Variants in TBC1D19 observed in about 807,000 individuals in gnomAD.
TBC1D19 encodes TBC1 domain family, member 19.
In TBC1D19, 60 loss-of-function variants were observed where a neutral mutation model predicts 89.0. The observed-to-expected ratio is 0.67, with a 90% CI of 0.55 to 0.84. The LOEUF (loss-of-function observed/expected upper bound fraction) is 0.84. Ranked by LOEUF, TBC1D19 falls within the 40% of genes least tolerant of loss-of-function variation. The pLI is 0.00. For missense variants in TBC1D19, 500 were observed against 610.8 expected (o/e 0.82, Z 1.91); for synonymous variants, 189 against 199.7 (o/e 0.95, Z 0.45).
intron 14 of TBC1D19, among the ~76,000 whole-genome samples, chr4:26,718,394 T>G (rs1397810341): frequency 6.6e-6 from 1 of 152,086 alleles, no homozygotes; most frequent in African/African-American, 2.4e-5. Flanking sequence ...ACACAAAACT[T>G]TGATACAATT....
rs1365302383 is a variant in TBC1D19 at position 26,650,782 on chromosome 4, C to T, written c.481-8815C>T. 3.9e-5 allele frequency among the ~76,000 whole-genome samples: 6 copies of T among 152,162 alleles called. No homozygotes were observed. In the South Asian group the frequency reaches 1.2e-3, roughly 31 times the overall value. On this transcript the variant is annotated intron_variant, in intron 7 of 20. Coordinates refer to ENST00000264866, the MANE Select transcript of TBC1D19 (RefSeq NM_018317.4). ...CTTTTGGCGTTTTAGACATGAAGTC[C>T]TTGCCCATGCCTATGTCCTGAATGG...
intron 11 of TBC1D19, among the ~76,000 whole-genome samples, chr4:26,680,354 T>C (rs1235741439): frequency 1.3e-5 from 2 of 152,242 alleles, no homozygotes; most frequent in African/African-American, 4.8e-5. Flanking sequence ...ATGTTCCATC[T>C]ACTTTTAAAA....
chr4:26,853,825 G>A, the TBC1D19 span, among the ~76,000 whole-genome samples: 3 of 152,322 alleles, frequency 2.0e-5, no homozygotes, highest in South Asian at 2.1e-4. Flanking sequence ...GTGAGCCACC[G>A]CGCCTGGCCA....
At chr4:26,820,002 T>C in the TBC1D19 span, among the ~76,000 whole-genome samples, 2 of 152,208 alleles carry the variant, frequency 1.3e-5, no homozygotes, top group African/African-American at 4.8e-5. Flanking sequence ...ATTCCTACTC[T>C]AAAATTGCAA....
the TBC1D19 span, among the ~76,000 whole-genome samples, chr4:26,844,051 A>G: frequency 1.1e-4 from 17 of 152,232 alleles, no homozygotes; most frequent in Non-Finnish European, 1.5e-4. Flanking sequence ...ATATTTTAAC[A>G]TGGGATTTGG....
intron 9 of TBC1D19, among the ~76,000 whole-genome samples, chr4:26,669,498 A>G (rs1389008389): frequency 1.3e-5 from 2 of 151,860 alleles, no homozygotes; most frequent in African/African-American, 4.8e-5. Flanking sequence ...TGAAAAACAC[A>G]GAATTAGAGT....
chr4:26,716,410 C>T (rs1716611469), intron 13 of TBC1D19, among the ~76,000 whole-genome samples: 1 of 152,024 alleles, frequency 6.6e-6, no homozygotes, highest in South Asian at 2.1e-4. Flanking sequence ...GGAGAGGCAT[C>T]GTTCAATTAA....
At chr4:26,695,708 A>T (rs1445067952) in intron 13 of TBC1D19, among the ~76,000 whole-genome samples, 1 of 152,234 alleles carries the variant, frequency 6.6e-6, no homozygotes, top group East Asian at 1.9e-4. Context: ...AATATTCAAC[A>T]TTCTTAAAGA....
intron 12 of TBC1D19, among the ~76,000 whole-genome samples, chr4:26,685,771 A>G (rs1713758705): frequency 6.6e-6 from 1 of 152,202 alleles, no homozygotes; most frequent in African/African-American, 2.4e-5. Context: ...TATTATGCTC[A>G]GTGGATTATT....
rs33925773 is a variant in TBC1D19, at chr4:26,720,197, TTC to T, written c.1084+74_1084+75del. The T allele has an allele frequency of 5.5e-3, 6,488 of 1,180,418 alleles. 276 individuals carry two copies. The African/African-American group carries it at 0.089, about 16-fold the overall frequency. The allele number at this position is 1,180,418 out of a possible 1,614,324, so 73.1% of individuals were successfully genotyped here. ...CAACTTTTATAATCAAAATGTGACT[TTC>T]TTATTCTCTTTAATGGATAATCATT... On this transcript the variant is annotated intron_variant, in intron 15 of 20. Transcript: ENST00000264866.
chr4:26,809,577 G>A, the TBC1D19 span, among the ~76,000 whole-genome samples: 1 of 152,168 alleles, frequency 6.6e-6, no homozygotes. Context: ...GACTACTTAG[G>A]GTAGTAGGGA....
chr4:26,805,660 A>T, the TBC1D19 span, among the ~76,000 whole-genome samples: 4 of 151,982 alleles, frequency 2.6e-5, no homozygotes, highest in Non-Finnish European at 5.9e-5. Flanking sequence ...ACCCTTACCT[A>T]CAGTTGTCCA....
chr4:26,621,823 A>C (rs1484427415), intron 4 of TBC1D19, among the ~76,000 whole-genome samples: 1 of 151,766 alleles, frequency 6.6e-6, no homozygotes, highest in Non-Finnish European at 1.5e-5. Context: ...TTTTTTTGTT[A>C]TAAAGATTTG....
chr4:26,782,508 A>G, the TBC1D19 span, among the ~76,000 whole-genome samples: 2,016 of 152,304 alleles, frequency 0.013, 50 homozygotes, highest in African/African-American at 0.046. Context: ...TCAGCAGCCA[A>G]ACGTCAAAAC....
At chr4:26,723,608 A>G (rs555940857) in intron 15 of TBC1D19, among the ~76,000 whole-genome samples, 1 of 152,336 alleles carries the variant, frequency 6.6e-6, no homozygotes. Context: ...AGAATCACCA[A>G]TGGACAGATT....
At position 26,673,446 on chromosome 4, in the gene TBC1D19, T is replaced by TGTATACACACAC; in HGVS notation, c.704-330_704-329insGTATACACACAC. On this transcript the variant is annotated intron_variant, in intron 10 of 20. Transcript: ENST00000264866. Reference sequence around the variant, plus strand: ...TTTCATATATATATATATATATATATACACACACACACACACACACACACA... The same window carrying TGTATACACACAC: ...TTTCATATATATATATATATATATATGTATACACACACACACACACACACACACACACACACA... Among the ~76,000 whole-genome samples, 4 of 90,872 alleles carry TGTATACACACAC rather than the reference T, an allele frequency of 4.4e-5. No individual in the cohort carries two copies. The South Asian group carries it at 1.8e-3, about 41-fold the overall frequency. 59.6% of individuals were successfully genotyped at this position (90,872 alleles called of 152,430 possible). A position where few individuals can be genotyped will look rare whatever the true frequency, so the allele number is the denominator to read the frequency against.
chr4:26,635,909 G>A (rs1743091063), intron 4 of TBC1D19, among the ~76,000 whole-genome samples: 1 of 152,060 alleles, frequency 6.6e-6, no homozygotes, highest in Admixed American at 6.6e-5. Context: ...AGCTTGGAGA[G>A]CAAATTTCAG....
At chr4:26,853,349 C>T in the TBC1D19 span, among the ~76,000 whole-genome samples, 1 of 152,300 alleles carries the variant, frequency 6.6e-6, no homozygotes, top group South Asian at 2.1e-4. Context: ...CAGCTCCCCA[C>T]CCACTTAGCA....
chr4:26,753,914 G>A lies in TBC1D19; in HGVS notation c.1506+24G>A, dbSNP rs184958336. ...AAGTAAGGATAAGTTTCACTCAGAT[G>A]GGATGGAAATAGTTTCTGAGAGATT... On this transcript the variant is annotated intron_variant, in intron 20 of 20. Coordinates refer to ENST00000264866, the MANE Select transcript of TBC1D19 (RefSeq NM_018317.4). 5 of 1,612,436 alleles carry A rather than the reference G, an allele frequency of 3.1e-6. No homozygotes were observed. In the East Asian group the frequency reaches 8.9e-5, roughly 29 times the overall value.
Sources: gnomAD v4.1 joint callset for allele counts (sites outside exome capture counted in the v4.1 genomes callset) on GRCh38, gnomAD v4.1.1 for gene constraint, MANE v1.5 for transcripts, NCBI Gene and HGNC (gene_info 2026-07-23, HGNC 2026-07-21) for gene names.